Variants in SH3BP5 observed in about 807,000 individuals in gnomAD.
The protein encoded by SH3BP5 is SH3 domain binding protein 5.
A neutral mutation model predicts 43.3 loss-of-function variants in SH3BP5; 22 were observed. The ratio of observed to expected loss-of-function variants is 0.51; its 90% CI spans 0.36 to 0.73. The LOEUF (loss-of-function observed/expected upper bound fraction) is 0.73, where lower values mean the gene tolerates loss of function less well. Among genes scored for constraint, SH3BP5 ranks in the 30% least tolerant of loss-of-function variants. The pLI, the probability that SH3BP5 is intolerant of heterozygous loss-of-function variation, is 0.00. For synonymous variants in SH3BP5, 255 were observed against 225.8 expected (o/e 1.13, Z -1.16); for missense variants, 529 against 586.9 (o/e 0.90, Z 1.02).
chr3:15,278,978 T>C (rs1348601662), intron 3 of SH3BP5, among the ~76,000 whole-genome samples: 1 of 152,156 alleles, frequency 6.6e-6, no homozygotes, highest in Admixed American at 6.5e-5. Flanking sequence ...AAGACCAGCT[T>C]GGCCAACATG....
intron 2 of SH3BP5, among the ~76,000 whole-genome samples, chr3:15,311,734 C>T (rs1179743012): frequency 2.0e-5 from 3 of 151,982 alleles, no homozygotes; most frequent in Non-Finnish European, 4.4e-5. Context: ...GATGCAGTGT[C>T]GCAATCATGG....
intron 3 of SH3BP5, among the ~76,000 whole-genome samples, chr3:15,283,544 G>T (rs183036680): frequency 6.6e-6 from 1 of 152,160 alleles, no homozygotes; most frequent in Non-Finnish European, 1.5e-5. Context: ...TAAGATGTAC[G>T]GGAAATGAAG....
chr3:15,302,643 T>C (rs973535869), intron 3 of SH3BP5, among the ~76,000 whole-genome samples: 1 of 152,112 alleles, frequency 6.6e-6, no homozygotes, highest in South Asian at 2.1e-4. Flanking sequence ...GGTTAAGTCC[T>C]GGCCCTCATT....
intron 3 of SH3BP5, chr3:15,273,394 A>C (rs1166730488): frequency 2.0e-6 from 2 of 985,414 alleles, no homozygotes. Flanking sequence ...TCCAAATAAG[A>C]GAACCAGATC....
At chr3:15,319,156 C>T (rs959575164) in intron 2 of SH3BP5, among the ~76,000 whole-genome samples, 1 of 152,178 alleles carries the variant, frequency 6.6e-6, no homozygotes, top group Non-Finnish European at 1.5e-5. Flanking sequence ...GGTATTGAAG[C>T]CATGCCATAA....
At chr3:15,302,548 C>T (rs1023967092) in intron 3 of SH3BP5, among the ~76,000 whole-genome samples, 7 of 152,080 alleles carry the variant, frequency 4.6e-5, no homozygotes, top group Admixed American at 3.3e-4. Flanking sequence ...CACACAGGTA[C>T]GATCTTGGTA....
At chr3:15,313,081 T>C (rs1444236077) in intron 2 of SH3BP5, among the ~76,000 whole-genome samples, 1 of 151,636 alleles carries the variant, frequency 6.6e-6, no homozygotes, top group Non-Finnish European at 1.5e-5. Context: ...CAGTCTCTAC[T>C]AAAAAATAAA....
chr3:15,263,993 C>T (rs891951132), intron 4 of SH3BP5, among the ~76,000 whole-genome samples: 9 of 152,130 alleles, frequency 5.9e-5, no homozygotes, highest in African/African-American at 1.4e-4. Flanking sequence ...TAGGGAGGTA[C>T]CACCATGTCT....
intron 4 of SH3BP5, among the ~76,000 whole-genome samples, chr3:15,266,921 C>T (rs1250703283): frequency 3.9e-5 from 6 of 152,246 alleles, no homozygotes; most frequent in Admixed American, 1.3e-4. Flanking sequence ...CCCAGTGTCC[C>T]GCTGTGCCTG....
chr3:15,285,649 T>C (rs1697245604), intron 3 of SH3BP5, among the ~76,000 whole-genome samples: 1 of 152,254 alleles, frequency 6.6e-6, no homozygotes, highest in Admixed American at 6.5e-5. Context: ...TCAACAAGAC[T>C]GCAAACTCTT....
At position 15,273,612 on chromosome 3, in the gene SH3BP5, A is replaced by G. The variant is rs188257768; in HGVS notation, c.331-3735T>C. 1.1e-4 allele frequency among the ~76,000 whole-genome samples: 16 copies of G among 152,366 alleles called. No individual in the cohort carries two copies. The East Asian group carries it at 2.9e-3, about 28-fold the overall frequency. ...CACAGAAACCAGATGCCATCTCTCC[A>G]TAATTCATGCACTTACCGGTTCATT... On this transcript the variant is annotated intron_variant, in intron 3 of 8. Coordinates refer to ENST00000383791, the MANE Select transcript of SH3BP5 (RefSeq NM_004844.5).
chr3:15,330,639 A>G, intron 1 of SH3BP5, 73 bp from the exon 2 acceptor site: 1 of 1,405,174 alleles, frequency 7.1e-7, no homozygotes, highest in South Asian at 1.5e-5. Flanking sequence ...TCAGTCCATA[A>G]CCTGAAAAAT....
upstream of SH3BP5, among the ~76,000 whole-genome samples, chr3:15,335,369 CT>C (rs1250941067): frequency 6.7e-6 from 1 of 148,740 alleles, no homozygotes; most frequent in Non-Finnish European, 1.5e-5. Flanking sequence ...CAGAGTAGGA[CT>C]TTCTCTCAAA....
At chr3:15,333,077 G>C (rs776230853), upstream of SH3BP5, 19 of 985,146 alleles carry the variant, frequency 1.9e-5, no homozygotes, top group Non-Finnish European at 2.0e-5. Flanking sequence ...ACAGAGGTGC[G>C]GCGGTCCTAC....
intron 2 of SH3BP5, among the ~76,000 whole-genome samples, chr3:15,307,203 G>A (rs911027450): frequency 6.6e-6 from 1 of 152,168 alleles, no homozygotes; most frequent in African/African-American, 2.4e-5. Flanking sequence ...CCCTGGTTCT[G>A]TGCCATCATC....
chr3:15,256,192 G>T lies in SH3BP5; in HGVS notation c.1262C>A (p.Ser421Tyr), dbSNP rs1286819319. 2.5e-6 allele frequency: 4 copies of T among 1,614,054 alleles called. No homozygotes were observed. The highest frequency in any genetic ancestry group is 2.5e-6 in the Non-Finnish European group (3 of 1,180,016). Residue 421 changes from serine (S) to tyrosine (Y), a missense_variant, in exon 9 of 9, where the codon TCC (serine) becomes TAC (tyrosine). Around this residue, in one of 3 missense-constraint regions of SH3BP5, gnomAD observed 369 missense variants for 384.3 expected, o/e 0.96. Coordinates refer to ENST00000383791, the MANE Select transcript of SH3BP5 (RefSeq NM_004844.5). ...GTTCTCCAAGGCCTGGCCCTCAGGG[G>T]AGGTGCTGCTTTGGCTCTTACTGCT... ...GGSSKSQSST[S>Y]PEGQALENRM...
intron 2 of SH3BP5, 197 bp from the exon 3 acceptor site, chr3:15,304,428 T>A: frequency 1.2e-6 from 1 of 801,500 alleles, no homozygotes; most frequent in Non-Finnish European, 2.1e-6. Flanking sequence ...TCCTGTGCTC[T>A]GCACAGTGCA....
At chr3:15,302,133 G>A (rs750963120) in intron 3 of SH3BP5, among the ~76,000 whole-genome samples, 33 of 152,182 alleles carry the variant, frequency 2.2e-4, no homozygotes, top group Non-Finnish European at 3.5e-4. Flanking sequence ...CCATACTTCC[G>A]TTTCAGGTCA....
At chr3:15,293,537 AG>A (rs1697473090) in intron 3 of SH3BP5, among the ~76,000 whole-genome samples, 1 of 152,244 alleles carries the variant, frequency 6.6e-6, no homozygotes, top group Non-Finnish European at 1.5e-5. Context: ...AAGAAGAGGC[AG>A]GGGTGTGCAG....
Sources: gnomAD v4.1 joint callset for allele counts (sites outside exome capture counted in the v4.1 genomes callset) on GRCh38, gnomAD v4.1.1 for gene constraint, gnomAD v4.1.1 regional missense constraint, MANE v1.5 for transcripts, NCBI Gene and HGNC (gene_info 2026-07-23, HGNC 2026-07-21) for gene names.